Variants in C12orf75 observed in about 807,000 individuals in gnomAD.
C12orf75 encodes the protein chromosome 12 open reading frame 75.
C12orf75 carries 4 observed loss-of-function variants against 11.4 expected under a neutral mutation model. That is an observed-to-expected ratio of 0.35 (90% confidence interval 0.17 to 0.80). The LOEUF is 0.80. C12orf75 is among the 30% of genes least tolerant of loss of function. The probability of loss-of-function intolerance (pLI) is 0.52; values close to 1 mark genes in which losing one functional copy is unlikely to be tolerated. For synonymous variants in C12orf75, 30 were observed against 30.0 expected (o/e 1.00, Z 0.00); for missense variants, 89 against 80.4 (o/e 1.11, Z -0.41).
At chr12:105,363,438 G>A (rs1249030808) in intron 2 of C12orf75, among the ~76,000 whole-genome samples, 2 of 152,212 alleles carry the variant, frequency 1.3e-5, no homozygotes, top group South Asian at 4.1e-4. Flanking sequence ...TTAAAAGAGT[G>A]GATATCTGGC....
rs117892754 is a variant in C12orf75 at position 105,353,200 on chromosome 12, A to G, written c.71+4574A>G. 4.9e-3 allele frequency among the ~76,000 whole-genome samples: 752 copies of G among 152,384 alleles called. 3 individuals are homozygous for G. The highest frequency in any genetic ancestry group is 0.023 in the South Asian group (111 of 4,830). ...CTTGGCTGTAGTCACAGCTGGATCCAGGTGATCAAACAACAGGAAGAAATT... is the reference window on the plus strand; with the variant it reads ...CTTGGCTGTAGTCACAGCTGGATCCGGGTGATCAAACAACAGGAAGAAATT... On this transcript the variant is annotated intron_variant, in intron 2 of 5. Transcript: ENST00000443585.
Position 105,348,608 on chromosome 12 carries a change from C to T in C12orf75, c.53C>T (p.Ala18Val), listed in dbSNP as rs1394461882. ...ATSAGAGQGP[A>V]GAAKDVTEES... ...ATCTTCTTTTTTTCTCTAGGCCCTGCAGGAGCAGCCAAAGATGTGTAAGTA... is the reference window on the plus strand; with the variant it reads ...ATCTTCTTTTTTTCTCTAGGCCCTGTAGGAGCAGCCAAAGATGTGTAAGTA... Residue 18 changes from alanine to valine, a missense_variant, in exon 2 of 6, where the codon GCA becomes GTA. Ala to Val is a moderately conservative substitution (Grantham distance 64). Coordinates refer to ENST00000443585, the MANE Select transcript of C12orf75 (RefSeq NM_001145199.2). The T allele has an allele frequency of 1.3e-6, 2 of 1,536,768 alleles. No individual in the cohort carries two copies. The highest frequency in any genetic ancestry group is 1.4e-5 in the African/African-American group (1 of 72,366).
intron 1 of C12orf75, among the ~76,000 whole-genome samples, chr12:105,332,250 T>G (rs534026442): frequency 2.9e-4 from 44 of 152,264 alleles, no homozygotes; most frequent in African/African-American, 1.1e-3. Context: ...CCGTATGCAA[T>G]CCACTGCATG....
Position 105,370,843 on chromosome 12 carries a change from C to T in C12orf75, c.*243C>T, listed in dbSNP as rs1036055174. The T allele has an allele frequency of 2.8e-5, 11 of 388,630 alleles. No homozygotes were observed. The highest frequency in any genetic ancestry group is 8.3e-5 in the African/African-American group (4 of 48,158). The allele number at this position is 388,630 out of a possible 1,614,324, so 24.1% of individuals were successfully genotyped here. ...TTATGGAACTTTCTGTGGCCACCTA[C>T]GAAAGACAAGTTAACAAACTGTCAT... On this transcript the variant is annotated 3_prime_UTR_variant, in exon 6 of 6. Transcript: ENST00000443585.
At chr12:105,368,608 G>A (rs1871549329) in intron 5 of C12orf75, among the ~76,000 whole-genome samples, 1 of 152,112 alleles carries the variant, frequency 6.6e-6, no homozygotes, top group South Asian at 2.1e-4. Flanking sequence ...CAGACCAAAA[G>A]CAAGACTGAT....
intron 2 of C12orf75, among the ~76,000 whole-genome samples, chr12:105,360,642 A>T (rs1048171293): frequency 1.3e-5 from 2 of 152,144 alleles, no homozygotes; most frequent in African/African-American, 4.8e-5. Flanking sequence ...AAATATTGAC[A>T]AGTGAATTAT....
chr12:105,352,360 C>T (rs575508832), intron 2 of C12orf75, among the ~76,000 whole-genome samples: 19 of 151,852 alleles, frequency 1.3e-4, no homozygotes, highest in South Asian at 2.1e-4. Flanking sequence ...TGCTGTTTGG[C>T]GGTAAGGAAT....
intron 1 of C12orf75, among the ~76,000 whole-genome samples, chr12:105,332,218 C>G (rs1892438127): frequency 6.6e-6 from 1 of 152,076 alleles, no homozygotes; most frequent in Non-Finnish European, 1.5e-5. Context: ...CAAATTGTGT[C>G]TCAGTCTACT....
intron 2 of C12orf75, among the ~76,000 whole-genome samples, chr12:105,355,156 G>T: frequency 6.9e-6 from 1 of 145,434 alleles, no homozygotes; most frequent in Non-Finnish European, 1.5e-5. Context: ...TGGTTTTCAC[G>T]AATTTCTTTT....
intron 5 of C12orf75, 45 bp downstream of exon 5, chr12:105,367,554 G>A: frequency 2.0e-6 from 1 of 497,572 alleles, no homozygotes; most frequent in Non-Finnish European, 3.6e-6. Context: ...TAGACTTATT[G>A]ATGAATGGAC....
At chr12:105,359,488 T>C (rs1235662001) in intron 2 of C12orf75, among the ~76,000 whole-genome samples, 2 of 152,010 alleles carry the variant, frequency 1.3e-5, no homozygotes, top group African/African-American at 4.8e-5. Context: ...GGATTATTAC[T>C]GGCTGGGCGC....
intron 2 of C12orf75, among the ~76,000 whole-genome samples, chr12:105,348,970 G>A (rs771868749): frequency 1.3e-5 from 2 of 152,078 alleles, no homozygotes; most frequent in South Asian, 2.1e-4. Flanking sequence ...CTATGACTAC[G>A]CAGTGTTTTA....
intron 2 of C12orf75, among the ~76,000 whole-genome samples, chr12:105,354,416 A>G (rs1892749994): frequency 6.6e-6 from 1 of 152,236 alleles, no homozygotes. Flanking sequence ...CATACCCATG[A>G]TAATCTGATG....
intron 2 of C12orf75, among the ~76,000 whole-genome samples, chr12:105,356,820 A>C (rs1592882674): frequency 6.6e-6 from 1 of 152,234 alleles, no homozygotes; most frequent in Non-Finnish European, 1.5e-5. Context: ...GAGGAAGAAA[A>C]AGATTCATAT....
At chr12:105,352,550 G>C (rs1892725278) in intron 2 of C12orf75, among the ~76,000 whole-genome samples, 1 of 151,764 alleles carries the variant, frequency 6.6e-6, no homozygotes, top group African/African-American at 2.4e-5. Context: ...AGTGTTTTTT[G>C]GTTGTTTCTG....
intron 2 of C12orf75, among the ~76,000 whole-genome samples, chr12:105,363,211 C>T (rs1183749834): frequency 1.3e-5 from 2 of 152,248 alleles, no homozygotes; most frequent in Non-Finnish European, 2.9e-5. Flanking sequence ...CCTAGGCCCT[C>T]AGAGCTGTTG....
In C12orf75 at chr12:105,330,724, C is replaced by G. The variant is rs1177013564; in HGVS notation, c.-168C>G. The G allele has an allele frequency of 1.7e-6, 1 of 571,938 alleles. No homozygotes were observed. Among genetic ancestry groups the G allele is most frequent in the Non-Finnish European group, 2.4e-6 (1 of 411,198 alleles). 35.4% of individuals were successfully genotyped at this position (571,938 alleles called of 1,614,324 possible). A position where few individuals can be genotyped will look rare whatever the true frequency, so the allele number is the denominator to read the frequency against. ...CCCGGCAGCCCGCAGCCCGCTGCGC[C>G]CCGGGCCGCGTCTCCCGGCGGTGGG... On this transcript the variant is annotated 5_prime_UTR_variant, in exon 1 of 6. Transcript: ENST00000443585.
At chr12:105,357,161 C>T (rs1200951464) in intron 2 of C12orf75, among the ~76,000 whole-genome samples, 2 of 152,140 alleles carry the variant, frequency 1.3e-5, no homozygotes, top group Non-Finnish European at 2.9e-5. Context: ...TAGTATAAAA[C>T]AGAAGGATGC....
chr12:105,359,465 A>G (rs914000549), intron 2 of C12orf75, among the ~76,000 whole-genome samples: 16 of 151,982 alleles, frequency 1.1e-4, no homozygotes, highest in Non-Finnish European at 1.9e-4. Context: ...CCAGGAGGCT[A>G]TTATTTAGCA....
Sources: gnomAD v4.1 joint callset for allele counts (sites outside exome capture counted in the v4.1 genomes callset) on GRCh38, gnomAD v4.1.1 for gene constraint, MANE v1.5 for transcripts, NCBI Gene and HGNC (gene_info 2026-07-23, HGNC 2026-07-21) for gene names.